Variants in ARMCX4 observed in about 807,000 individuals in gnomAD.
ARMCX4 encodes the protein armadillo repeat containing X-linked 4.
A neutral mutation model predicts 34.7 loss-of-function variants in ARMCX4; 3 were observed. The ratio of observed to expected loss-of-function variants is 0.09; its 90% CI spans 0.04 to 0.22. ARMCX4 has a LOEUF of 0.22. ARMCX4 is among the 10% of genes least tolerant of loss of function. ARMCX4 has a pLI of 1.00. For missense variants in ARMCX4, 1,448 were observed against 1,720.8 expected (o/e 0.84, Z 2.81); for synonymous variants, 513 against 632.8 (o/e 0.81, Z 2.84).
In ARMCX4 at chrX:101,492,808, G is replaced by A. The variant is rs782762827; in HGVS notation, c.4219G>A (p.Gly1407Ser). The part of the protein sequence containing the change: ...TEEGSWAGAG[G>S]QAGGGSKVGP... ...AGAAGGGTCTTGGGCTGGGGCTGGT[G>A]GCCAGGCTGGTGGAGGGTCCAAGGT... is the stretch of plus-strand genomic sequence containing the variant. The change falls in exon 6 of 6, where the codon GGC (glycine) becomes AGC (serine). Residue 1407 changes from glycine (G) to serine (S), a missense_variant. Physicochemically the swap from Gly to Ser is moderately conservative, Grantham distance 56 (BLOSUM62 0). Around this residue, in one of 2 missense-constraint regions of ARMCX4, gnomAD observed 1,343 missense variants for 1,540.7 expected, o/e 0.87. Transcript: ENST00000423738. 1.7e-6 allele frequency: 2 copies of A among 1,155,619 alleles called. No homozygotes were observed. Among genetic ancestry groups the A allele is most frequent in the South Asian group, 3.8e-5 (2 of 52,661 alleles).
At chrX:101,513,586 C>T (rs1417251921) in intron 11 of ARMCX4, among the ~76,000 whole-genome samples, 1 of 112,028 alleles carries the variant, frequency 8.9e-6, no homozygotes, top group Non-Finnish European at 1.9e-5. Context: ...TATATACACA[C>T]AAACAAACAT....
At chrX:101,458,516 C>A (rs1276583556) in intron 4 of ARMCX4, among the ~76,000 whole-genome samples, 7 of 109,468 alleles carry the variant, frequency 6.4e-5, no homozygotes, top group Non-Finnish European at 1.1e-4. Context: ...ATATCCCCCC[C>A]CTTTTTTTTT....
rs781834811 is a variant in ARMCX4, at chrX:101,432,811, CAT to C, written n.165-11234_165-11233del. The stretch of plus-strand genomic sequence containing the variant: ...ATACACATATACACATGTATGTATA[CAT>C]ATATATGTATATACGTGTATATATG... On this transcript the variant is annotated intron_variant and non_coding_transcript_variant, in intron 2 of 3. Transcript: ENST00000430461. Among the ~76,000 whole-genome samples, 23 of 101,186 alleles carry C rather than the reference CAT, an allele frequency of 2.3e-4. 3 individuals are homozygous for C. The highest frequency in any genetic ancestry group is 1.3e-3 in the East Asian group (4 of 3,155). 87.9% of individuals were successfully genotyped at this position (101,186 alleles called of 115,157 possible). A position where few individuals can be genotyped will look rare whatever the true frequency, so the allele number is the denominator to read the frequency against.
intron 11 of ARMCX4, among the ~76,000 whole-genome samples, chrX:101,519,815 C>T (rs1934813749): frequency 9.0e-6 from 1 of 111,415 alleles, no homozygotes; most frequent in Admixed American, 9.5e-5. Flanking sequence ...AGTTTCTCCA[C>T]ATCCTCATCA....
Position 101,488,892 on chromosome X carries a change from T to G in ARMCX4, c.303T>G (p.Ser101=), listed in dbSNP as rs1556007681. 1 of 1,156,115 alleles carries G rather than the reference T, an allele frequency of 8.6e-7. No homozygotes were observed. Among genetic ancestry groups the G allele is most frequent in the Non-Finnish European group, 1.1e-6 (1 of 873,039 alleles). Residue 101 remains serine, a synonymous_variant, in exon 6 of 6, where the codon TCT becomes TCG. Transcript: ENST00000423738. ...CTATAGCCATACACAGAGCCAACTCTCAGGCCAAGGCAATGGTTGGGGCAG... is the reference window on the plus strand; with the variant it reads ...CTATAGCCATACACAGAGCCAACTCGCAGGCCAAGGCAATGGTTGGGGCAG... The part of the protein sequence containing the change: ...ATAIAIHRAN[S]QAKAMVGAEP...
chrX:101,480,925 C>G (rs997399006), upstream of ARMCX4, among the ~76,000 whole-genome samples: 3 of 111,349 alleles, frequency 2.7e-5, no homozygotes, highest in Non-Finnish European at 3.8e-5. Context: ...GAGTTCGAAA[C>G]CAACCTGGGC....
rs183969921 is a variant in ARMCX4 at position 101,445,726 on chromosome X, C to T, written n.269-272C>T. 4.5e-5 allele frequency among the ~76,000 whole-genome samples: 5 copies of T among 111,679 alleles called. No individual in the cohort carries two copies. In the East Asian group the frequency reaches 1.4e-3, roughly 31 times the overall value. ...CACTGGCATAAATTTGCCCCTCCAG[C>T]TCTATTTCCAGATTCCTTTCCCCTA... On this transcript the variant is annotated intron_variant and non_coding_transcript_variant, in intron 3 of 3. Coordinates refer to the ARMCX4 transcript ENST00000430461.
chrX:101,512,460 T>C (rs782133138), intron 11 of ARMCX4, among the ~76,000 whole-genome samples: 5 of 111,802 alleles, frequency 4.5e-5, no homozygotes, highest in Non-Finnish European at 5.6e-5. Flanking sequence ...CTCAAATTCC[T>C]GAGCTTCTGT....
chrX:101,470,411 C>T (rs1417067454), intron 4 of ARMCX4, among the ~76,000 whole-genome samples: 3 of 110,669 alleles, frequency 2.7e-5, no homozygotes, highest in African/African-American at 9.9e-5. Flanking sequence ...CCCCTGGGTT[C>T]AAGTGATTCT....
At position 101,488,830 on chromosome X, in the gene ARMCX4, A is replaced by G. The variant is rs1420850104; in HGVS notation, c.241A>G (p.Ser81Gly). ...VEIGAETGAR[S>G]GPRAEVETKA... ...GATTGGAGCAGAAACTGGAGCAAGA[A>G]GTGGGCCTAGGGCTGAAGTAGAGAC... The change falls in exon 6 of 6, where the codon AGT (serine) becomes GGT (glycine). Residue 81 changes from serine (S) to glycine (G), a missense_variant. Around this residue, in one of 2 missense-constraint regions of ARMCX4, gnomAD observed 1,343 missense variants for 1,540.7 expected, o/e 0.87. Coordinates refer to ENST00000423738, the MANE Select transcript of ARMCX4 (RefSeq NM_001256155.3). 12 of 1,154,437 alleles carry G rather than the reference A, an allele frequency of 1.0e-5. 1 individual carries two copies. The highest frequency in any genetic ancestry group is 1.4e-5 in the Non-Finnish European group (12 of 872,744).
At chrX:101,498,519 C>T (rs782050920), downstream of ARMCX4, 192 of 122,655 alleles carry the variant, frequency 1.6e-3, 1 homozygote, top group African/African-American at 5.5e-3. Context: ...TGTTGCTAAG[C>T]AGATTGAGCT....
intron 11 of ARMCX4, among the ~76,000 whole-genome samples, chrX:101,523,508 G>A (rs1183608576): frequency 2.7e-5 from 3 of 111,925 alleles, no homozygotes; most frequent in Admixed American, 9.5e-5. Flanking sequence ...GCCAAGCTAC[G>A]GTCAAAACCT....
intron 2 of ARMCX4, among the ~76,000 whole-genome samples, chrX:101,438,984 T>C (rs1555995959): frequency 6.3e-5 from 7 of 111,985 alleles, no homozygotes; most frequent in African/African-American, 2.3e-4. Context: ...AAAGTTAATA[T>C]GGTTATGTGT....
At chrX:101,458,492 C>G (rs782409183) in intron 4 of ARMCX4, among the ~76,000 whole-genome samples, 2 of 109,035 alleles carry the variant, frequency 1.8e-5, no homozygotes, top group Non-Finnish European at 1.9e-5. Context: ...ACAGTCAAAG[C>G]TTCCTTTAAT....
rs1556009761 is a variant in ARMCX4, at chrX:101,492,479, A to G, written c.3890A>G (p.Asp1297Gly). The part of the protein sequence containing the change: ...SSVSYWAGVV[D>G]QAGGGSWAGT... ...GTTTCATACTGGGCTGGGGTTGTGG[A>G]TCAGGCCGGTGGAGGGTCCTGGGCT... The change falls in exon 6 of 6, where the codon GAT becomes GGT. Residue 1297 changes from aspartate to glycine, a missense_variant. Coordinates refer to ENST00000423738, the MANE Select transcript of ARMCX4 (RefSeq NM_001256155.3). 1.7e-6 allele frequency: 2 copies of G among 1,152,254 alleles called. No individual in the cohort carries two copies. 95.0% of individuals were successfully genotyped at this position (1,152,254 alleles called of 1,213,427 possible).
chrX:101,527,067 A>T (rs1934992170), intron 11 of ARMCX4, among the ~76,000 whole-genome samples: 1 of 111,842 alleles, frequency 8.9e-6, no homozygotes, highest in African/African-American at 3.3e-5. Context: ...TCCAAAACTG[A>T]CCACATAATT....
intron 7 of ARMCX4, among the ~76,000 whole-genome samples, chrX:101,501,358 C>T (rs1053477945): frequency 8.9e-6 from 1 of 112,989 alleles, no homozygotes; most frequent in African/African-American, 3.2e-5. Context: ...GGGTTCTTGG[C>T]TTCACTCAGG....
intron 11 of ARMCX4, among the ~76,000 whole-genome samples, chrX:101,529,575 A>T (rs1391244628): frequency 8.9e-6 from 1 of 112,019 alleles, no homozygotes; most frequent in Non-Finnish European, 1.9e-5. Context: ...AATTTTTGCA[A>T]TCTACTCATC....
chrX:101,425,795 G>A (rs1480573750), intron 2 of ARMCX4, among the ~76,000 whole-genome samples: 1 of 110,847 alleles, frequency 9.0e-6, no homozygotes, highest in Non-Finnish European at 1.9e-5. Context: ...GCGAGACTAC[G>A]GGTCAAGAGA....
Sources: gnomAD v4.1 joint callset for allele counts (sites outside exome capture counted in the v4.1 genomes callset) on GRCh38, gnomAD v4.1.1 for gene constraint, gnomAD v4.1.1 regional missense constraint, MANE v1.5 for transcripts, NCBI Gene and HGNC (gene_info 2026-07-23, HGNC 2026-07-21) for gene names.